Variants in ZSCAN4 observed in about 807,000 individuals in gnomAD.
ZSCAN4 encodes zinc finger and SCAN domain-containing protein 4.
ZSCAN4 carries 18 observed loss-of-function variants against 18.3 expected under a neutral mutation model. The observed-to-expected ratio is 0.98, with a 90% CI of 0.68 to 1.46. The LOEUF is 1.46. Ranked by LOEUF, ZSCAN4 falls within the 40% of genes most tolerant of loss-of-function variation. The pLI, the probability that ZSCAN4 is intolerant of heterozygous loss-of-function variation, is 0.00. For synonymous variants in ZSCAN4, 193 were observed against 180.3 expected (o/e 1.07, Z -0.57); for missense variants, 498 against 511.4 (o/e 0.97, Z 0.25).
At position 57,678,090 on chromosome 19, in the gene ZSCAN4, T is replaced by A; in HGVS notation, c.562+11T>A. 1 of 1,582,254 alleles carries A rather than the reference T, an allele frequency of 6.3e-7. No individual in the cohort carries two copies. The highest frequency in any genetic ancestry group is 8.6e-7 in the Non-Finnish European group (1 of 1,164,946). On this transcript the variant is annotated intron_variant, in intron 4 of 4. Coordinates refer to ENST00000318203, the Ensembl canonical transcript of ZSCAN4. Reference sequence around the variant, plus strand: ...TAGAAACAGGACAAGGTAAGTCAGGTGAATCTGCACAACTGAGGAGTGTTC... The same window carrying A: ...TAGAAACAGGACAAGGTAAGTCAGGAGAATCTGCACAACTGAGGAGTGTTC...
chr19:57,652,171 A>G, the ZSCAN4 span, among the ~76,000 whole-genome samples: 9 of 151,848 alleles, frequency 5.9e-5, no homozygotes, highest in Admixed American at 5.9e-4. Flanking sequence ...CCCCCTCAAG[A>G]CACCCCTCTC....
upstream of ZSCAN4, among the ~76,000 whole-genome samples, chr19:57,666,866 T>C (rs939120909): frequency 1.3e-5 from 2 of 152,002 alleles, no homozygotes; most frequent in African/African-American, 4.8e-5. Context: ...AAATAGAAAG[T>C]TAACAGTTTT....
At chr19:57,660,358 A>G in the ZSCAN4 span, among the ~76,000 whole-genome samples, 2 of 152,182 alleles carry the variant, frequency 1.3e-5, no homozygotes, top group Admixed American at 1.3e-4. Context: ...TTAGATGACA[A>G]TGGTAAGCTC....
chr19:57,676,871 C>A (rs1331521489), intron 3 of ZSCAN4, among the ~76,000 whole-genome samples: 1 of 152,192 alleles, frequency 6.6e-6, no homozygotes, highest in Non-Finnish European at 1.5e-5. Context: ...CTATGCCTCC[C>A]AGGCACAAGT....
chr19:57,672,026 G>GA (rs147022010), intron 2 of ZSCAN4, among the ~76,000 whole-genome samples: 361 of 152,218 alleles, frequency 2.4e-3, no homozygotes, highest in Non-Finnish European at 4.5e-3. Flanking sequence ...AAATAGCAAT[G>GA]ATATATTAAC....
chr19:57,656,715 G>A, the ZSCAN4 span, among the ~76,000 whole-genome samples: 1 of 152,238 alleles, frequency 6.6e-6, no homozygotes, highest in Non-Finnish European at 1.5e-5. Context: ...AATAAATGAT[G>A]AGTATTCAGA....
the ZSCAN4 span, among the ~76,000 whole-genome samples, chr19:57,657,504 A>C: frequency 1.3e-5 from 2 of 152,212 alleles, no homozygotes; most frequent in African/African-American, 2.4e-5. Context: ...AATAAACTGG[A>C]GCTCTCATAC....
chr19:57,655,146 C>A, the ZSCAN4 span, among the ~76,000 whole-genome samples: 11 of 152,146 alleles, frequency 7.2e-5, no homozygotes, highest in African/African-American at 2.4e-4. Flanking sequence ...GAAGCTAATC[C>A]GGGATATGCC....
At chr19:57,669,403 G>A (rs922885386) in intron 1 of ZSCAN4, among the ~76,000 whole-genome samples, 200 bp downstream of exon 1, 6 of 142,748 alleles carry the variant, frequency 4.2e-5, no homozygotes, top group South Asian at 4.4e-4. Flanking sequence ...ACATTTTACC[G>A]CAGATTTTGT....
At chr19:57,653,880 G>T in the ZSCAN4 span, among the ~76,000 whole-genome samples, 1 of 152,284 alleles carries the variant, frequency 6.6e-6, no homozygotes, top group South Asian at 2.1e-4. Context: ...TCAGCAAGAC[G>T]CTTCATCCTG....
upstream of ZSCAN4, among the ~76,000 whole-genome samples, chr19:57,668,416 A>G (rs73064584): frequency 0.17 from 25,702 of 151,984 alleles, 2,241 homozygotes; most frequent in East Asian, 0.26. Flanking sequence ...TAATGTGAGG[A>G]TTCAGAACAT....
chr19:57,662,553 T>C, the ZSCAN4 span, among the ~76,000 whole-genome samples: 3 of 152,060 alleles, frequency 2.0e-5, no homozygotes, highest in Non-Finnish European at 4.4e-5. Flanking sequence ...AGAGATTTGG[T>C]TTTTTGTTTG....
At chr19:57,670,616 CATTTTGTGTCTTTGAGTGTGTATACATA>C (rs1413897918) in intron 2 of ZSCAN4, 49 bp downstream of exon 2, 7 of 152,252 alleles carry the variant, frequency 4.6e-5, no homozygotes, top group South Asian at 2.1e-4. Flanking sequence ...AGTGTGTATA[CATTTTGTGTCTTTGAGTGTGTATACATA>C]ATTTTGTGTC....
At chr19:57,669,824 T>C (rs189083014) in intron 1 of ZSCAN4, among the ~76,000 whole-genome samples, 31 of 152,130 alleles carry the variant, frequency 2.0e-4, no homozygotes, top group Non-Finnish European at 4.3e-4. Context: ...ACTCCCTGGC[T>C]CAAACAAGCT....
the ZSCAN4 span, among the ~76,000 whole-genome samples, chr19:57,655,253 A>G: frequency 6.6e-6 from 1 of 152,178 alleles, no homozygotes; most frequent in Non-Finnish European, 1.5e-5. Context: ...TGTACACCAC[A>G]TCACGTGGGC....
At chr19:57,677,824 C>A in intron 3 of ZSCAN4, 90 bp from the exon 4 acceptor site, 1 of 1,259,830 alleles carries the variant, frequency 7.9e-7, no homozygotes. Context: ...CTTGAGGGAG[C>A]TTGTGAGAGC....
upstream of ZSCAN4, among the ~76,000 whole-genome samples, chr19:57,665,396 T>C (rs1983827195): frequency 6.6e-6 from 1 of 152,170 alleles, no homozygotes; most frequent in African/African-American, 2.4e-5. Context: ...ACCATTTGTG[T>C]AGGCTGCTAA....
intron 3 of ZSCAN4, among the ~76,000 whole-genome samples, chr19:57,677,538 A>G (rs1413484412): frequency 6.6e-6 from 1 of 152,216 alleles, no homozygotes; most frequent in Non-Finnish European, 1.5e-5. Context: ...TGGAGATAAT[A>G]CATGTGTTGG....
intron 2 of ZSCAN4, among the ~76,000 whole-genome samples, chr19:57,672,905 T>C (rs1400978465): frequency 6.6e-6 from 1 of 152,030 alleles, no homozygotes; most frequent in African/African-American, 2.4e-5. Context: ...CTTTTTTATA[T>C]CATGAGAACA....
Sources: gnomAD v4.1 joint callset for allele counts (sites outside exome capture counted in the v4.1 genomes callset) on GRCh38, gnomAD v4.1.1 for gene constraint, MANE v1.5 for transcripts, NCBI Gene and HGNC (gene_info 2026-07-23, HGNC 2026-07-21) for gene names.